The following RFX1 variants were observed in gnomAD, a reference collection of about 807,000 sequenced individuals.
RFX1 encodes MHC class II regulatory factor RFX1.
Under a neutral mutation model 119.6 loss-of-function variants are expected in RFX1, and 42 were observed. The ratio of observed to expected loss-of-function variants is 0.35; its 90% CI spans 0.27 to 0.45. The LOEUF (loss-of-function observed/expected upper bound fraction) is 0.45. Among genes scored for constraint, RFX1 ranks in the 20% least tolerant of loss-of-function variants. The pLI, the probability that RFX1 is intolerant of heterozygous loss-of-function variation, is 1.00. For missense variants in RFX1, 1,118 were observed against 1,368.1 expected (o/e 0.82, Z 2.88); for synonymous variants, 628 against 618.5 (o/e 1.02, Z -0.23).
chr19:13,980,738 T>TCTCTGGGGTGGGCTCGCATCCC lies in RFX1; in HGVS notation c.622-50_622-49insGGGATGCGAGCCCACCCCAGAG. On this transcript the variant is annotated intron_variant, in intron 5 of 20. Coordinates refer to ENST00000254325, the MANE Select transcript of RFX1 (RefSeq NM_002918.5). The surrounding 1 kb of genome is among the most constrained non-coding windows in gnomAD (Gnocchi z 5.1). ...GTGCCGCTGGGGTGGGCTTGCATCC[T>TCTCTGGGGTGGGCTCGCATCCC]CTCTGAGGTGGGCTCACACACACAC... 2 of 1,388,546 alleles carry TCTCTGGGGTGGGCTCGCATCCC rather than the reference T, an allele frequency of 1.4e-6. No individual in the cohort carries two copies. The highest frequency in any genetic ancestry group is 1.8e-5 in the Admixed American group (1 of 55,520). The allele number at this position is 1,388,546 out of a possible 1,614,324, so 86.0% of individuals were successfully genotyped here.
At chr19:13,994,719 A>ATGTG (rs35165719) in intron 1 of RFX1, among the ~76,000 whole-genome samples, 18,525 of 125,742 alleles carry the variant, frequency 0.15, 1,428 homozygotes, top group East Asian at 0.23. Context: ...CTAAATATAT[A>ATGTG]TGTGTGTGTG....
rs1002857882 is a variant in RFX1, at chr19:13,963,891, G to T, written c.2328C>A (p.Ser776Arg). 6 of 1,548,782 alleles carry T rather than the reference G, an allele frequency of 3.9e-6. No homozygotes were observed. Among genetic ancestry groups the T allele is most frequent in the Non-Finnish European group, 4.4e-6 (5 of 1,148,266 alleles). Residue 776 changes from serine (S) to arginine (R), a missense_variant, in exon 17 of 21, where the codon AGC (serine) becomes AGA (arginine). Coordinates refer to ENST00000254325, the MANE Select transcript of RFX1 (RefSeq NM_002918.5). ...QNTAQINQML[S>R]DLNRVDFANV... The stretch of plus-strand genomic sequence containing the variant: ...TGGCGAAGTCCACGCGGTTGAGGTC[G>T]CTCAGCATCTGGTTGATCTGTGCGG...
At chr19:13,984,130 G>A (rs1182909050) in intron 2 of RFX1, among the ~76,000 whole-genome samples, 1 of 152,178 alleles carries the variant, frequency 6.6e-6, no homozygotes, top group Non-Finnish European at 1.5e-5. Flanking sequence ...GGGACCACAA[G>A]GGGCTTGGAG....
chr19:13,966,123 C>G lies in RFX1; in HGVS notation c.1961+298G>C, dbSNP rs1568458460. ...AAAGATCCCCAGGGTCTGGTTGGCA[C>G]AGGCCCGAGGGGTGGGACGGGATCC... On this transcript the variant is annotated intron_variant, in intron 14 of 20. Transcript: ENST00000254325. The surrounding 1 kb of genome is among the most constrained non-coding windows in gnomAD (Gnocchi z 6.3). Among the ~76,000 whole-genome samples, 1 of 152,158 alleles carries G rather than the reference C, an allele frequency of 6.6e-6. No individual in the cohort carries two copies. The highest frequency in any genetic ancestry group is 2.4e-5 in the African/African-American group (1 of 41,432).
chr19:13,991,753 C>T (rs567069169), intron 2 of RFX1, among the ~76,000 whole-genome samples: 5 of 152,156 alleles, frequency 3.3e-5, no homozygotes, highest in Admixed American at 6.5e-5. Flanking sequence ...CCTCTGCCTC[C>T]GGGTTCAAGT....
chr19:13,976,410 G>C lies in RFX1; in HGVS notation c.929+1582C>G, dbSNP rs1461368664. On this transcript the variant is annotated intron_variant, in intron 8 of 20. Transcript: ENST00000254325. ...GCAATTTCTGTGGAGATGGGAGAGG[G>C]AAGGTGGCATGGAGGACCCCCGGCG... Among the ~76,000 whole-genome samples, 3 of 152,244 alleles carry C rather than the reference G, an allele frequency of 2.0e-5. No homozygotes were observed. The East Asian group carries it at 5.8e-4, about 29-fold the overall frequency.
At chr19:13,981,324 G>A (rs991884569) in intron 5 of RFX1, among the ~76,000 whole-genome samples, 1 of 152,228 alleles carries the variant, frequency 6.6e-6, no homozygotes, top group Admixed American at 6.5e-5. Flanking sequence ...GGCCGGGCAT[G>A]GTGGCTCACG....
chr19:13,978,121 G>A (rs748523045), intron 7 of RFX1, 35 bp from the exon 8 acceptor site: 7 of 1,518,884 alleles, frequency 4.6e-6, no homozygotes, highest in Admixed American at 1.7e-5. Flanking sequence ...AGGGTCAGGG[G>A]TGGGCCAGCT....
In RFX1 at chr19:13,980,004, G is replaced by C. The variant is rs1440628949; in HGVS notation, c.739-462C>G. ...GGTCTGGAGGTTCGGGGGGGCTCTA[G>C]TGCCAGGCGGGGGAGTATCTGTGAA... On this transcript the variant is annotated intron_variant, in intron 6 of 20. Coordinates refer to ENST00000254325, the MANE Select transcript of RFX1 (RefSeq NM_002918.5). The surrounding 1 kb of genome is among the most constrained non-coding windows in gnomAD (Gnocchi z 5.1). 1.3e-5 allele frequency among the ~76,000 whole-genome samples: 2 copies of C among 152,100 alleles called. No individual in the cohort carries two copies. Among genetic ancestry groups the C allele is most frequent in the African/African-American group, 4.8e-5 (2 of 41,412 alleles).
intron 1 of RFX1, among the ~76,000 whole-genome samples, chr19:14,003,185 C>T (rs750660918): frequency 1.4e-4 from 22 of 152,148 alleles, no homozygotes; most frequent in South Asian, 4.1e-4. Context: ...AGGGTTTCAC[C>T]GTGTTGGCCA....
At position 13,968,991 on chromosome 19, in the gene RFX1, G is replaced by A. The variant is rs909547223; in HGVS notation, c.1497-97C>T. ...CACACCCGTCTCCTCTCTGTTAGGA[G>A]AATGGATAGAGAGACGCCTGCCCTG... is the stretch of plus-strand genomic sequence containing the variant. On this transcript the variant is annotated intron_variant, in intron 10 of 20. Coordinates refer to ENST00000254325, the MANE Select transcript of RFX1 (RefSeq NM_002918.5). This position sits in a 1 kb window ranked among gnomAD's most constrained non-coding sequence, Gnocchi z 5.5. The A allele has an allele frequency of 7.3e-7, 1 of 1,366,198 alleles. No homozygotes were observed. The highest frequency in any genetic ancestry group is 9.9e-7 in the Non-Finnish European group (1 of 1,009,416). 84.6% of individuals were successfully genotyped at this position (1,366,198 alleles called of 1,614,324 possible).
At chr19:13,983,825 C>T (rs1220214336) in intron 2 of RFX1, among the ~76,000 whole-genome samples, 1 of 152,216 alleles carries the variant, frequency 6.6e-6, no homozygotes, top group Non-Finnish European at 1.5e-5. Context: ...GGCAGCAGCC[C>T]TCATCAGCTT....
intron 4 of RFX1, among the ~76,000 whole-genome samples, 154 bp from the exon 5 acceptor site, chr19:13,982,382 C>A (rs1974457623): frequency 6.6e-6 from 1 of 152,172 alleles, no homozygotes; most frequent in Admixed American, 6.5e-5. Context: ...CGGCTACTGC[C>A]CCCACTTCAC....
At chr19:14,001,508 C>T (rs1975214282) in intron 1 of RFX1, among the ~76,000 whole-genome samples, 1 of 152,132 alleles carries the variant, frequency 6.6e-6, no homozygotes, top group Admixed American at 6.5e-5. Flanking sequence ...GCTATGTTGC[C>T]CAGGCTGGTC....
intron 1 of RFX1, among the ~76,000 whole-genome samples, chr19:14,001,109 C>G (rs570130871): frequency 6.6e-6 from 1 of 152,156 alleles, no homozygotes; most frequent in East Asian, 1.9e-4. Flanking sequence ...TCCATTCCTG[C>G]CTCTCATGGC....
Position 13,973,022 on chromosome 19 carries a change from G to A in RFX1, c.1035C>T (p.Ala345=). The part of the protein sequence containing the change: ...AGTATQVSTP[A]TSQAVASSGS... ...CACTGCTGGCCACCGCCTGGGAGGT[G>A]GCGGGGGTGCTGACCTGGGTGGCCG... is the stretch of plus-strand genomic sequence containing the variant. The change falls in exon 9 of 21, where the codon GCC becomes GCT. Residue 345 remains alanine, a synonymous_variant. Transcript: ENST00000254325. 1 of 1,601,266 alleles carries A rather than the reference G, an allele frequency of 6.2e-7. No homozygotes were observed. The highest frequency in any genetic ancestry group is 8.5e-7 in the Non-Finnish European group (1 of 1,179,812).
At chr19:13,987,346 G>T in intron 2 of RFX1, among the ~76,000 whole-genome samples, 1 of 152,102 alleles carries the variant, frequency 6.6e-6, no homozygotes, top group Non-Finnish European at 1.5e-5. Flanking sequence ...CTTTAGGCAG[G>T]GCAGGCAGGG....
Position 13,980,839 on chromosome 19 carries a change from C to CA in RFX1, c.622-151_622-150insT. 3.5e-6 allele frequency: 2 copies of CA among 576,322 alleles called. No homozygotes were observed. The highest frequency in any genetic ancestry group is 6.2e-6 in the Non-Finnish European group (2 of 323,912). The allele number at this position is 576,322 out of a possible 1,614,324, so 35.7% of individuals were successfully genotyped here. On this transcript the variant is annotated intron_variant, in intron 5 of 20. Coordinates refer to ENST00000254325, the MANE Select transcript of RFX1 (RefSeq NM_002918.5). This position sits in a 1 kb window ranked among gnomAD's most constrained non-coding sequence, Gnocchi z 5.1. ...CCAACCACCGAGGCTGGTAACTGAC[C>CA]GCGTCCCACGCATCCAAATGCCTAC...
intron 2 of RFX1, 97 bp from the exon 3 acceptor site, chr19:13,983,692 C>G: frequency 1.9e-6 from 2 of 1,040,926 alleles, no homozygotes; most frequent in Non-Finnish European, 2.8e-6. Context: ...CTGAAGCCAA[C>G]CCCCAGCAAG....
Sources: gnomAD v4.1 joint callset for allele counts (sites outside exome capture counted in the v4.1 genomes callset) on GRCh38, gnomAD v4.1.1 for gene constraint, Gnocchi (gnomAD v3.1) non-coding constraint, MANE v1.5 for transcripts, NCBI Gene and HGNC (gene_info 2026-07-23, HGNC 2026-07-21) for gene names.